NRG4: variants seen among roughly 807,000 people sequenced by gnomAD.
NRG4 encodes the protein pro-neuregulin-4, membrane-bound isoform.
In NRG4, 10 loss-of-function variants were observed where a neutral mutation model predicts 15.0. The observed-to-expected ratio is 0.67, with a 90% CI of 0.41 to 1.13. The LOEUF (loss-of-function observed/expected upper bound fraction) is 1.13. NRG4 is among the 50% of genes most tolerant of loss of function. NRG4 has a pLI of 0.00. For synonymous variants in NRG4, 41 were observed against 50.1 expected (o/e 0.82, Z 0.77); for missense variants, 139 against 140.2 (o/e 0.99, Z 0.04).
intron 3 of NRG4, among the ~76,000 whole-genome samples, chr15:75,974,299 A>T (rs2033256734): frequency 6.6e-6 from 1 of 151,868 alleles, no homozygotes; most frequent in Non-Finnish European, 1.5e-5. Flanking sequence ...TATTTTGTTA[A>T]TCTTTTCAAA....
chr15:75,985,188 G>A (rs551093338), intron 3 of NRG4, among the ~76,000 whole-genome samples: 69 of 152,230 alleles, frequency 4.5e-4, no homozygotes, highest in African/African-American at 1.6e-3. Context: ...ATAAGGGTAA[G>A]TTCCATTATA....
chr15:75,971,711 G>A (rs2033099894), intron 3 of NRG4, among the ~76,000 whole-genome samples: 1 of 152,074 alleles, frequency 6.6e-6, no homozygotes, highest in South Asian at 2.1e-4. Context: ...AAGGAAATTG[G>A]ACTTCTAGTG....
At chr15:75,944,368 G>A (rs1404180905) in intron 5 of NRG4, among the ~76,000 whole-genome samples, 1 of 152,144 alleles carries the variant, frequency 6.6e-6, no homozygotes, top group Non-Finnish European at 1.5e-5. Context: ...TTTCCATTTG[G>A]AGAGTTGTGT....
chr15:75,948,626 T>C (rs2031686075), intron 5 of NRG4, among the ~76,000 whole-genome samples: 2 of 151,150 alleles, frequency 1.3e-5, no homozygotes, highest in South Asian at 4.2e-4. Flanking sequence ...TATATGGTGA[T>C]AGGTAAGCGT....
intron 5 of NRG4, among the ~76,000 whole-genome samples, chr15:75,948,660 G>A (rs530584486): frequency 1.8e-4 from 27 of 152,028 alleles, no homozygotes; most frequent in Middle Eastern, 3.4e-3. Context: ...TTAGCATGTG[G>A]ATATCCAGTT....
In NRG4 at chr15:75,956,028, G is replaced by C. The variant is rs1187585282; in HGVS notation, c.252-17C>G. 2.0e-6 allele frequency: 3 copies of C among 1,484,298 alleles called. No individual in the cohort carries two copies. The highest frequency in any genetic ancestry group is 1.4e-5 in the African/African-American group (1 of 72,176). The allele number at this position is 1,484,298 out of a possible 1,614,324, so 91.9% of individuals were successfully genotyped here. On this transcript the variant is annotated splice_polypyrimidine_tract_variant and intron_variant, in intron 4 of 5. Coordinates refer to ENST00000394907, the MANE Select transcript of NRG4 (RefSeq NM_138573.4). ...TGGCCTTTCCTGACAATAAAGAGGA[G>C]AGAAACACAAAAATGGAAGTGTAAT...
intron 3 of NRG4, among the ~76,000 whole-genome samples, chr15:75,986,191 C>T (rs560837507): frequency 6.6e-6 from 1 of 152,188 alleles, no homozygotes; most frequent in African/African-American, 2.4e-5. Context: ...GGTAAAAACC[C>T]AAAGTTAGGC....
chr15:75,949,342 C>T (rs998710631), intron 5 of NRG4, among the ~76,000 whole-genome samples: 10 of 149,378 alleles, frequency 6.7e-5, no homozygotes, highest in Non-Finnish European at 1.5e-4. Context: ...ACCTAGGAGG[C>T]AGAGGTTGCA....
chr15:75,959,870 A>G (rs2032432148), intron 4 of NRG4, among the ~76,000 whole-genome samples: 1 of 152,158 alleles, frequency 6.6e-6, no homozygotes, highest in South Asian at 2.1e-4. Flanking sequence ...GGGACAGATC[A>G]TTTTAATTTA....
intron 3 of NRG4, among the ~76,000 whole-genome samples, chr15:75,989,334 T>C (rs1324552685): frequency 6.6e-6 from 1 of 152,210 alleles, no homozygotes; most frequent in Non-Finnish European, 1.5e-5. Context: ...ACATTTCATG[T>C]AGCGTGGCCT....
intron 5 of NRG4, chr15:75,945,839 T>C (rs1039649893): frequency 6.6e-6 from 1 of 152,162 alleles, no homozygotes; most frequent in Non-Finnish European, 1.5e-5. Flanking sequence ...AAGACCCCAG[T>C]GGATGCCTGA....
At chr15:76,031,136 A>T (rs911170316) in intron 5 of NRG4, among the ~76,000 whole-genome samples, 15 of 152,248 alleles carry the variant, frequency 9.9e-5, no homozygotes, top group Admixed American at 9.2e-4. Flanking sequence ...ACCTCAATAG[A>T]TTCAAAAAAG....
intron 3 of NRG4, among the ~76,000 whole-genome samples, chr15:75,992,804 A>G (rs1383926571): frequency 6.6e-6 from 1 of 152,138 alleles, no homozygotes; most frequent in Non-Finnish European, 1.5e-5. Context: ...ACTTAGCATA[A>G]TGTTTGTATG....
chr15:76,052,794 G>A (rs1041348851), intron 3 of NRG4: 6 of 151,104 alleles, frequency 4.0e-5, no homozygotes, highest in South Asian at 2.1e-4. Context: ...TTAAAAATAC[G>A]AATTTGTATT....
intron 3 of NRG4, among the ~76,000 whole-genome samples, chr15:75,993,487 G>T (rs1054690531): frequency 1.3e-5 from 2 of 151,110 alleles, no homozygotes; most frequent in African/African-American, 4.9e-5. Flanking sequence ...AGATCACGAG[G>T]TCAGGAGTTC....
chr15:76,017,262 C>T (rs552106825), upstream of NRG4, among the ~76,000 whole-genome samples: 1 of 145,782 alleles, frequency 6.9e-6, no homozygotes, highest in Non-Finnish European at 1.5e-5. Context: ...CTCCTAAACA[C>T]AGCACGCCAA....
chr15:75,977,202 C>CAGACTGCTGT lies in NRG4; in HGVS notation c.105-15238_105-15229dup, dbSNP rs1239101382. Among the ~76,000 whole-genome samples the CAGACTGCTGT allele has an allele frequency of 1.3e-5, 2 of 152,160 alleles. No homozygotes were observed. The highest frequency in any genetic ancestry group is 2.9e-5 in the Non-Finnish European group (2 of 68,028). On this transcript the variant is annotated intron_variant, in intron 3 of 5. Coordinates refer to ENST00000394907, the MANE Select transcript of NRG4 (RefSeq NM_138573.4). The surrounding 1 kb of genome is among the most constrained non-coding windows in gnomAD (Gnocchi z 4.9). ...AAGACTGAGCATCCCAGGTCGACTT[C>CAGACTGCTGT]AGACTGCTGTGCTGGCAGCGAGAAT...
chr15:75,969,495 T>C (rs760605126), intron 3 of NRG4, among the ~76,000 whole-genome samples: 3 of 152,224 alleles, frequency 2.0e-5, no homozygotes, highest in Non-Finnish European at 4.4e-5. Flanking sequence ...AGCCTTCAGC[T>C]TCTTTGAACA....
chr15:75,974,440 C>T (rs950334074), intron 3 of NRG4, among the ~76,000 whole-genome samples: 3 of 152,048 alleles, frequency 2.0e-5, no homozygotes, highest in African/African-American at 7.2e-5. Flanking sequence ...CTTCCTCGTT[C>T]TTTTCATTGT....
Sources: allele counts gnomAD v4.1 joint callset (sites outside exome capture counted in the v4.1 genomes callset), GRCh38; gene constraint gnomAD v4.1.1; non-coding constraint Gnocchi (gnomAD v3.1); transcripts MANE v1.5; gene names NCBI Gene and HGNC (gene_info 2026-07-23, HGNC 2026-07-21).